The following IDO2 variants were observed in gnomAD, a reference collection of about 807,000 sequenced individuals.
The protein encoded by IDO2 is indoleamine 2,3-dioxygenase 2.
In IDO2, 46 loss-of-function variants were observed where a neutral mutation model predicts 45.1. The observed-to-expected ratio is 1.02, with a 90% confidence interval of 0.80 to 1.30. The LOEUF is 1.30. Ranked by LOEUF, IDO2 falls within the 50% of genes most tolerant of loss-of-function variation. The probability of loss-of-function intolerance (pLI) is 0.00; values close to 1 mark genes in which losing one functional copy is unlikely to be tolerated. For synonymous variants in IDO2, 218 were observed against 184.9 expected, an observed-to-expected ratio of 1.18 and a Z score of -1.45; for missense variants, 544 against 491.8, an observed-to-expected ratio of 1.11 and a Z score of -1.00.
chr8:40,010,792 C>G (rs1470293076), intron 9 of IDO2, among the ~76,000 whole-genome samples: 2 of 152,138 alleles, frequency 1.3e-5, no homozygotes, highest in African/African-American at 4.8e-5. Context: ...ATCAGGAGAT[C>G]AGTTTGGGGA....
At chr8:39,981,705 C>T (rs1808355209) in intron 4 of IDO2, among the ~76,000 whole-genome samples, 1 of 152,108 alleles carries the variant, frequency 6.6e-6, no homozygotes, top group Non-Finnish European at 1.5e-5. Context: ...TAGTGTTTTC[C>T]ACCCGAGAAA....
chr8:39,989,532 T>C (rs1466297659), intron 7 of IDO2, among the ~76,000 whole-genome samples, 189 bp from the exon 8 acceptor site: 1 of 152,134 alleles, frequency 6.6e-6, no homozygotes, highest in Non-Finnish European at 1.5e-5. Flanking sequence ...CCTAGGGGTC[T>C]GTCTGGGAGG....
chr8:39,997,234 CA>C (rs1802059698), intron 8 of IDO2, among the ~76,000 whole-genome samples: 1 of 152,068 alleles, frequency 6.6e-6, no homozygotes, highest in Non-Finnish European at 1.5e-5. Flanking sequence ...ACAAAAGTGG[CA>C]TGACTCAATA....
At chr8:40,001,630 T>C (rs1802139208) in intron 8 of IDO2, among the ~76,000 whole-genome samples, 2 of 152,096 alleles carry the variant, frequency 1.3e-5, no homozygotes. Flanking sequence ...AGGCTGATTT[T>C]TGTTAATTGT....
rs138659643 is a variant in IDO2, at chr8:39,968,123, G to A, written c.195+4420G>A. On this transcript the variant is annotated intron_variant, in intron 3 of 10. Coordinates refer to ENST00000502986, the Ensembl canonical transcript of IDO2. The stretch of plus-strand genomic sequence containing the variant: ...GAAGAAAACAGGATATCCTTCAACC[G>A]GGGAATGAATAAACCAAATTATAAT... Among the ~76,000 whole-genome samples the A allele has an allele frequency of 6.8e-3, 1,023 of 151,274 alleles. 15 individuals carry two copies. The highest frequency in any genetic ancestry group is 0.023 in the African/African-American group (956 of 41,094).
chr8:40,015,167 AT>A, intron 10 of IDO2, 79 bp from the exon 11 acceptor site: 2 of 829,364 alleles, frequency 2.4e-6, no homozygotes, highest in East Asian at 5.2e-5. Flanking sequence ...GAAAAAAAAA[AT>A]AAAAAAGAAG....
intron 1 of IDO2, among the ~76,000 whole-genome samples, chr8:39,943,696 C>T (rs1807684484): frequency 6.9e-6 from 1 of 145,496 alleles, no homozygotes; most frequent in East Asian, 2.0e-4. Flanking sequence ...TGAGATCGCG[C>T]CACTGCACTC....
At chr8:39,958,908 T>A (rs1807945843) in intron 2 of IDO2, among the ~76,000 whole-genome samples, 1 of 152,226 alleles carries the variant, frequency 6.6e-6, no homozygotes, top group East Asian at 1.9e-4. Context: ...AATTATAAAT[T>A]TGTTAAGAAA....
intron 9 of IDO2, among the ~76,000 whole-genome samples, chr8:40,005,865 T>A (rs1449628892): frequency 6.6e-6 from 1 of 152,180 alleles, no homozygotes; most frequent in Non-Finnish European, 1.5e-5. Flanking sequence ...TATTCGAAGG[T>A]GGGTTCTCTG....
At chr8:39,987,343 T>C (rs1808441306) in intron 6 of IDO2, 1 of 152,228 alleles carries the variant, frequency 6.6e-6, no homozygotes, top group African/African-American at 2.4e-5. Context: ...CTCAGGTATT[T>C]CTTTATAGCA....
At chr8:39,992,988 G>A (rs1480030968) in intron 8 of IDO2, among the ~76,000 whole-genome samples, 1 of 152,082 alleles carries the variant, frequency 6.6e-6, no homozygotes, top group African/African-American at 2.4e-5. Flanking sequence ...GTGGAAGACA[G>A]AACCAGCCCG....
chr8:39,984,330 C>A (rs1035253738), intron 5 of IDO2, among the ~76,000 whole-genome samples: 1 of 152,130 alleles, frequency 6.6e-6, no homozygotes, highest in African/African-American at 2.4e-5. Context: ...CAAAAATTAG[C>A]CAGGTGTGGC....
At chr8:40,015,823 G>C (rs755238185) in exon 11 of IDO2, 1 of 529,296 alleles carries the variant, frequency 1.9e-6, no homozygotes, top group Middle Eastern at 4.9e-4. Flanking sequence ...ACTGCTTAAC[G>C]GCATGTATAA....
chr8:39,953,789 C>A (rs1057031187), intron 2 of IDO2, among the ~76,000 whole-genome samples: 4 of 151,980 alleles, frequency 2.6e-5, no homozygotes, highest in Non-Finnish European at 5.9e-5. Context: ...GGTCTCGAAC[C>A]CCTGACCTCA....
At chr8:40,010,728 T>A (rs908068352) in intron 9 of IDO2, among the ~76,000 whole-genome samples, 1 of 152,092 alleles carries the variant, frequency 6.6e-6, no homozygotes, top group African/African-American at 2.4e-5. Flanking sequence ...GAGACATCAT[T>A]TACTCCAATG....
At chr8:39,977,885 A>T (rs1020868679) in intron 3 of IDO2, among the ~76,000 whole-genome samples, 9 of 152,206 alleles carry the variant, frequency 5.9e-5, no homozygotes, top group African/African-American at 1.2e-4. Context: ...TGCAACATGT[A>T]ATAATCACAT....
At chr8:39,995,251 C>CTTCTTCTTCTT (rs1554548609) in intron 8 of IDO2, 2 of 78,028 alleles carry the variant, frequency 2.6e-5, no homozygotes, top group African/African-American at 1.0e-4. Context: ...TTCTCCTTCT[C>CTTCTTCTTCTT]CTTCTTCTTC....
intron 6 of IDO2, chr8:39,986,425 C>T (rs1265578452): frequency 6.6e-6 from 1 of 152,168 alleles, no homozygotes; most frequent in Non-Finnish European, 1.5e-5. Flanking sequence ...AAGGTGAAGA[C>T]ATCATTTCCC....
intron 2 of IDO2, among the ~76,000 whole-genome samples, chr8:39,953,479 C>G (rs1807841949): frequency 6.6e-6 from 1 of 152,140 alleles, no homozygotes; most frequent in Non-Finnish European, 1.5e-5. Context: ...AAATCTTTCA[C>G]TTTTATATCA....
Sources: gnomAD v4.1 joint callset for allele counts (sites outside exome capture counted in the v4.1 genomes callset) on GRCh38, gnomAD v4.1.1 for gene constraint, MANE v1.5 for transcripts, NCBI Gene and HGNC (gene_info 2026-07-23, HGNC 2026-07-21) for gene names.